The following CYP2A13 variants were observed in gnomAD, a reference collection of about 807,000 sequenced individuals.
The protein encoded by CYP2A13 is cytochrome P450 family 2 subfamily A member 13, also known as cytochrome P450 2A13.
A neutral mutation model predicts 39.4 loss-of-function variants in CYP2A13; 30 were observed. That is an observed-to-expected ratio of 0.76 (90% CI 0.57 to 1.03). The LOEUF (loss-of-function observed/expected upper bound fraction) is 1.03, where lower values mean the gene tolerates loss of function less well. Ranked by LOEUF, CYP2A13 falls within the 50% of genes least tolerant of loss-of-function variation. The probability of loss-of-function intolerance (pLI) is 0.00; values close to 1 mark genes in which losing one functional copy is unlikely to be tolerated. For synonymous variants in CYP2A13, 269 were observed against 254.7 expected, an observed-to-expected ratio of 1.06 and a Z score of -0.54; for missense variants, 731 against 648.4, an observed-to-expected ratio of 1.13 and a Z score of -1.38.
rs138089886 is a variant in CYP2A13 at position 41,091,850 on chromosome 19, C to A, written c.773C>A (p.Thr258Lys). The A allele has an allele frequency of 1.9e-6, 3 of 1,614,082 alleles. No individual in the cohort carries two copies. Among genetic ancestry groups the A allele is most frequent in the Non-Finnish European group, 2.5e-6 (3 of 1,180,042 alleles). Residue 258 changes from threonine (T) to lysine (K), a missense_variant, in exon 5 of 9, where the codon ACG (threonine) becomes AAG (lysine). Coordinates refer to ENST00000330436, the MANE Select transcript of CYP2A13 (RefSeq NM_000766.5). ...AAGAAGGTGGAGCACAACCAGCGCA[C>A]GCTGGATCCCAATTCCCCACGGGAC... ...IAKKVEHNQR[T>K]LDPNSPRDFI...
chr19:41,090,091 T>A lies in CYP2A13; in HGVS notation c.388T>A (p.Phe130Ile), dbSNP rs376978363. Residue 130 changes from phenylalanine to isoleucine, a missense_variant, in exon 3 of 9, where the codon TTC becomes ATC. By Grantham distance (21) the Phe-to-Ile change is conservative (BLOSUM62 0). Transcript: ENST00000330436. ...NGERAKQLRRFSIATLRGFGV... is the reference protein window; with the variant it reads ...NGERAKQLRRISIATLRGFGV... ...GGAGCGCGCCAAGCAGCTCCGGCGC[T>A]TCTCCATCGCCACCCTAAGGGGTTT... 45 of 1,612,850 alleles carry A rather than the reference T, an allele frequency of 2.8e-5. No individual in the cohort carries two copies. The highest frequency in any genetic ancestry group is 3.5e-5 in the Non-Finnish European group (41 of 1,179,594).
In CYP2A13 at chr19:41,088,512, G is replaced by T; in HGVS notation, c.41G>T (p.Cys14Phe). 1 of 1,614,000 alleles carries T rather than the reference G, an allele frequency of 6.2e-7. No homozygotes were observed. The highest frequency in any genetic ancestry group is 8.5e-7 in the Non-Finnish European group (1 of 1,179,884). The change falls in exon 1 of 9, where the codon TGC becomes TTC. Residue 14 changes from cysteine (C) to phenylalanine (F), a missense_variant. Cys to Phe is a radical substitution (Grantham distance 205, BLOSUM62 -2). Coordinates refer to ENST00000330436, the MANE Select transcript of CYP2A13 (RefSeq NM_000766.5). ...SGLLLVTLLACLTVMVLMSVW... is the reference protein window; with the variant it reads ...SGLLLVTLLAFLTVMVLMSVW... ...CTGCTTCTGGTGACCTTGCTGGCCTGCCTGACTGTGATGGTCTTGATGTCA... is the reference window on the plus strand; with the variant it reads ...CTGCTTCTGGTGACCTTGCTGGCCTTCCTGACTGTGATGGTCTTGATGTCA...
Position 41,089,672 on chromosome 19 carries a change from C to CCCTCCATCCTCTT in CYP2A13, c.344-367_344-366insCTCTTCCTCCATC, listed in dbSNP as rs539611956. ...GATCTCCCCATATCTCACTTCCCCT[C>CCCTCCATCCTCTT]CCTCCATCTCTCTCTTTCTCTCCCC... On this transcript the variant is annotated intron_variant, in intron 2 of 8. Coordinates refer to ENST00000330436, the MANE Select transcript of CYP2A13 (RefSeq NM_000766.5). 1.0e-3 allele frequency among the ~76,000 whole-genome samples: 156 copies of CCCTCCATCCTCTT among 151,572 alleles called. 1 individual carries two copies. The highest frequency in any genetic ancestry group is 3.2e-3 in the African/African-American group (132 of 41,110).
At chr19:41,094,063 A>G (rs1208780367) in intron 6 of CYP2A13, among the ~76,000 whole-genome samples, 182 bp from the exon 7 acceptor site, 2 of 152,068 alleles carry the variant, frequency 1.3e-5, no homozygotes, top group African/African-American at 4.8e-5. Flanking sequence ...TGTGATTCTG[A>G]CACAACCTGG....
At chr19:41,089,466 C>T (rs2031119795) in intron 2 of CYP2A13, among the ~76,000 whole-genome samples, 1 of 152,100 alleles carries the variant, frequency 6.6e-6, no homozygotes, top group African/African-American at 2.4e-5. Flanking sequence ...CTCTCTGCTT[C>T]CCTCTCCCAC....
rs577564169 is a variant in CYP2A13, at chr19:41,089,098, G to C, written c.343+7G>C. 9.3e-6 allele frequency: 15 copies of C among 1,611,894 alleles called. No homozygotes were observed. In the South Asian group the frequency reaches 1.6e-4, roughly 18 times the overall value. On this transcript the variant is annotated splice_region_variant and intron_variant, in intron 2 of 8. Transcript: ENST00000330436. ...TGGCTCTTCAAAGGCTATGGTGAGG[G>C]GGTGCCCAAGAGGGGGAAGGTGGCC...
rs763514070 is a variant in CYP2A13 at position 41,088,541 on chromosome 19, T to C, written c.70T>C (p.Trp24Arg). ...CLTVMVLMSV[W>R]RQRKSRGKLP... ...GACTGTGATGGTCTTGATGTCAGTC[T>C]GGCGGCAGAGGAAGAGCAGGGGGAA... The change falls in exon 1 of 9, where the codon TGG becomes CGG. Residue 24 changes from tryptophan to arginine, a missense_variant. Trp to Arg is a moderately radical substitution (Grantham distance 101). Transcript: ENST00000330436. 2 of 1,614,046 alleles carry C rather than the reference T, an allele frequency of 1.2e-6. No homozygotes were observed. The highest frequency in any genetic ancestry group is 1.3e-5 in the African/African-American group (1 of 75,050).
intron 1 of CYP2A13, 103 bp downstream of exon 1, chr19:41,088,754 G>A (rs1001156770): frequency 1.4e-5 from 21 of 1,542,076 alleles, no homozygotes; most frequent in Non-Finnish European, 1.8e-5. Flanking sequence ...TCTTAGGAAA[G>A]GGAGTCTTGG....
rs66497551 is a variant in CYP2A13 at position 41,095,892 on chromosome 19, G to T, written c.1436G>T (p.Gly479Val). ...KDIDVSPKHV[G>V]FATIPRNYTM... ...ATCGACGTGTCCCCCAAACACGTGG[G>T]CTTTGCCACGATCCCACGAAACTAC... Residue 479 changes from glycine (G) to valine (V), a missense_variant, in exon 9 of 9, where the codon GGC becomes GTC. Gly to Val is a moderately radical substitution (Grantham distance 109, BLOSUM62 -3). Coordinates refer to ENST00000330436, the MANE Select transcript of CYP2A13 (RefSeq NM_000766.5). The T allele has an allele frequency of 5.6e-6, 9 of 1,613,802 alleles. No homozygotes were observed. The highest frequency in any genetic ancestry group is 6.8e-6 in the Non-Finnish European group (8 of 1,179,914).
chr19:41,090,550 A>C lies in CYP2A13; in HGVS notation c.640A>C (p.Thr214Pro), dbSNP rs113145635. 4.6e-5 allele frequency: 74 copies of C among 1,613,830 alleles called. 1 individual carries two copies. The African/African-American group carries it at 9.1e-4, about 20-fold the overall frequency. Residue 214 changes from threonine (T) to proline (P), a missense_variant, in exon 4 of 9, where the codon ACC becomes CCC. Transcript: ENST00000330436. ...MMLGSFQFTATSTGQLYEMFS... is the reference protein window; with the variant it reads ...MMLGSFQFTAPSTGQLYEMFS... ...GCTGGGAAGCTTCCAGTTCACGGCA[A>C]CCTCCACGGGGCAGGTAACTGGCTG...
intron 6 of CYP2A13, 61 bp from the exon 7 acceptor site, chr19:41,094,184 C>T (rs1439693607): frequency 8.8e-6 from 14 of 1,589,542 alleles, no homozygotes; most frequent in Admixed American, 5.3e-5. Flanking sequence ...TTTACCTATT[C>T]GGACTATCAT....
At chr19:41,091,689 T>A in intron 4 of CYP2A13, 43 bp from the exon 5 acceptor site, 1 of 1,607,462 alleles carries the variant, frequency 6.2e-7, no homozygotes, top group South Asian at 1.1e-5. Flanking sequence ...TCCTGCCCCG[T>A]GACAGCTGTC....
Position 41,090,533 on chromosome 19 carries a change from G to T in CYP2A13, c.623G>T (p.Ser208Ile), listed in dbSNP as rs1029237139. 6.8e-6 allele frequency: 11 copies of T among 1,614,128 alleles called. No individual in the cohort carries two copies. In the African/African-American group the frequency reaches 1.2e-4, roughly 18 times the overall value. Residue 208 changes from serine (S) to isoleucine (I), a missense_variant, in exon 4 of 9, where the codon AGC becomes ATC. Physicochemically the swap from Ser to Ile is moderately radical, Grantham distance 142. Transcript: ENST00000330436. ...TCACTGTTGCGCATGATGCTGGGAA[G>T]CTTCCAGTTCACGGCAACCTCCACG... ...FLSLLRMMLGSFQFTATSTGQ... is the reference protein window; with the variant it reads ...FLSLLRMMLGIFQFTATSTGQ...
chr19:41,090,804 G>A (rs1011400571), intron 4 of CYP2A13, among the ~76,000 whole-genome samples: 24 of 152,168 alleles, frequency 1.6e-4, no homozygotes, highest in Non-Finnish European at 3.4e-4. Flanking sequence ...CTGGCAGGAT[G>A]CATACCCTCA....
chr19:41,094,143 G>C lies in CYP2A13; in HGVS notation c.974-102G>C, dbSNP rs1463558618. ...TCTGTTATGAATGGTCTACCTCCGTGTCATAGGTGGAGCTATGTCAACCAC... is the reference window on the plus strand; with the variant it reads ...TCTGTTATGAATGGTCTACCTCCGTCTCATAGGTGGAGCTATGTCAACCAC... On this transcript the variant is annotated intron_variant, in intron 6 of 8. Coordinates refer to ENST00000330436, the MANE Select transcript of CYP2A13 (RefSeq NM_000766.5). 3.2e-5 allele frequency: 48 copies of C among 1,522,832 alleles called. No individual in the cohort carries two copies. The South Asian group carries it at 3.6e-4, about 11-fold the overall frequency. The allele number at this position is 1,522,832 out of a possible 1,614,324, so 94.3% of individuals were successfully genotyped here.
rs759128544 is a variant in CYP2A13, at chr19:41,090,142, G to A, written c.439G>A (p.Glu147Lys). The A allele has an allele frequency of 1.9e-6, 3 of 1,604,892 alleles. No individual in the cohort carries two copies. In the Admixed American group the frequency reaches 5.1e-5, roughly 27 times the overall value. Residue 147 changes from glutamate to lysine, a missense_variant, in exon 3 of 9, where the codon GAA (glutamate) becomes AAA (lysine). Glu to Lys is a moderately conservative substitution (Grantham distance 56, BLOSUM62 1). Transcript: ENST00000330436. ...GFGVGKRGIE[E>K]RIQEEAGFLI... ...TGGCGTGGGCAAGCGCGGCATCGAG[G>A]AACGCATCCAGGAGGAGGCGGGCTT...
At position 41,090,395 on chromosome 19, in the gene CYP2A13, C is replaced by G; in HGVS notation, c.494-9C>G. The G allele has an allele frequency of 6.2e-7, 1 of 1,614,062 alleles. No individual in the cohort carries two copies. Among genetic ancestry groups the G allele is most frequent in the Non-Finnish European group, 8.5e-7 (1 of 1,180,036 alleles). On this transcript the variant is annotated splice_polypyrimidine_tract_variant and intron_variant, in intron 3 of 8. Coordinates refer to ENST00000330436, the MANE Select transcript of CYP2A13 (RefSeq NM_000766.5). ...TCTCCCCAACCCCCTTCTCCCGCCA[C>G]ACCTGCAGGCGCCAATATCGATCCC...
At chr19:41,093,496 C>A in intron 5 of CYP2A13, 134 bp from the exon 6 acceptor site, 2 of 1,048,240 alleles carry the variant, frequency 1.9e-6, no homozygotes, top group Non-Finnish European at 2.8e-6. Flanking sequence ...GAACCTGGAG[C>A]GAGTTTGGCA....
At chr19:41,089,940 C>T (rs548359879) in intron 2 of CYP2A13, 107 bp from the exon 3 acceptor site, 1 of 1,318,908 alleles carries the variant, frequency 7.6e-7, no homozygotes. Context: ...CATCTCTCTC[C>T]CACCCCACTC....
Sources: gnomAD v4.1 joint callset for allele counts (sites outside exome capture counted in the v4.1 genomes callset) on GRCh38, gnomAD v4.1.1 for gene constraint, MANE v1.5 for transcripts, NCBI Gene and HGNC (gene_info 2026-07-23, HGNC 2026-07-21) for gene names.